Variants in HSPA4 observed in about 807,000 individuals in gnomAD.
HSPA4 encodes heat shock protein family A (Hsp70) member 4, also known as heat shock 70 kDa protein 4.
HSPA4 carries 25 observed loss-of-function variants against 106.2 expected under a neutral mutation model. That is an observed-to-expected ratio of 0.24 (90% CI 0.17 to 0.33). The LOEUF (loss-of-function observed/expected upper bound fraction) is 0.33, where lower values mean the gene tolerates loss of function less well. HSPA4 is among the 10% of genes least tolerant of loss of function. The pLI is 1.00. For synonymous variants in HSPA4, 332 were observed against 333.6 expected (o/e 1.00, Z 0.05); for missense variants, 841 against 996.0 (o/e 0.84, Z 2.10).
intron 5 of HSPA4, 81 bp downstream of exon 5, chr5:133,073,410 C>G (rs1455030187): frequency 2.1e-5 from 19 of 915,800 alleles, no homozygotes; most frequent in Admixed American, 1.5e-4. Context: ...GTTTCTTGCT[C>G]TTTATTTTGC....
chr5:133,091,155 T>A, intron 11 of HSPA4, 38 bp from the exon 12 acceptor site: 1 of 1,528,008 alleles, frequency 6.5e-7, no homozygotes, highest in South Asian at 1.1e-5. Flanking sequence ...ATTCATCCTC[T>A]TAGGTTATGT....
intron 6 of HSPA4, among the ~76,000 whole-genome samples, chr5:133,075,645 T>C (rs1278991834): frequency 6.6e-6 from 1 of 151,454 alleles, no homozygotes; most frequent in Non-Finnish European, 1.5e-5. Flanking sequence ...CTGGGCAACA[T>C]GGCAAAACCC....
Position 133,067,473 on chromosome 5 carries a change from A to C in HSPA4, c.222A>C (p.Ala74=). 6.2e-7 allele frequency: 1 copy of C among 1,613,694 alleles called. No individual in the cohort carries two copies. The highest frequency in any genetic ancestry group is 1.1e-5 in the South Asian group (1 of 91,082). Reference sequence around the variant, plus strand: ...GATTTAAAAGATTCCATGGCCGAGCATTCTCTGATCCATTTGTGGAGGCAG... The same window carrying C: ...GATTTAAAAGATTCCATGGCCGAGCCTTCTCTGATCCATTTGTGGAGGCAG... The part of the protein sequence containing the change: ...VQGFKRFHGR[A]FSDPFVEAEK... The change falls in exon 3 of 19, where the codon GCA becomes GCC. Residue 74 remains alanine, a synonymous_variant. Transcript: ENST00000304858.
intron 1 of HSPA4, among the ~76,000 whole-genome samples, chr5:133,057,479 C>T (rs1004068923): frequency 1.3e-5 from 2 of 152,050 alleles, no homozygotes; most frequent in African/African-American, 4.8e-5. Context: ...GTGCCTCAGC[C>T]TCCCGAATAG....
rs767108025 is a variant in HSPA4 at position 133,052,339 on chromosome 5, A to G, written c.89A>G (p.Tyr30Cys). 1.9e-6 allele frequency: 3 copies of G among 1,568,140 alleles called. No individual in the cohort carries two copies. Among genetic ancestry groups the G allele is most frequent in the Non-Finnish European group, 1.7e-6 (2 of 1,158,950 alleles). ...AGGIETIANE[Y>C]SDRCTPACIS... ...GGCATCGAGACTATCGCTAATGAGT[A>G]TAGCGACCGCTGCACGCCGTAAGTG... is the stretch of plus-strand genomic sequence containing the variant. The change falls in exon 1 of 19, where the codon TAT becomes TGT. Residue 30 changes from tyrosine (Y) to cysteine (C), a missense_variant. Physicochemically the swap from Tyr to Cys is radical, Grantham distance 194. Transcript: ENST00000304858.
intron 5 of HSPA4, 50 bp from the exon 6 acceptor site, chr5:133,073,943 T>C (rs760859249): frequency 7.4e-7 from 1 of 1,355,914 alleles, no homozygotes; most frequent in South Asian, 1.4e-5. Flanking sequence ...CTTAAATGAA[T>C]TTTATTTACT....
At chr5:133,078,129 G>C (rs896387903) in intron 7 of HSPA4, among the ~76,000 whole-genome samples, 7 of 151,176 alleles carry the variant, frequency 4.6e-5, no homozygotes, top group Non-Finnish European at 7.4e-5. Flanking sequence ...TCAGGAGATT[G>C]AGACCATCCT....
intron 4 of HSPA4, 89 bp from the exon 5 acceptor site, chr5:133,073,141 A>G (rs1581470235): frequency 2.7e-6 from 2 of 729,090 alleles, no homozygotes; most frequent in East Asian, 5.3e-5. Flanking sequence ...TACAGAATAA[A>G]TTGCTGTAGG....
intron 18 of HSPA4, 47 bp from the exon 19 acceptor site, chr5:133,104,186 A>G (rs758947201): frequency 6.3e-7 from 1 of 1,583,732 alleles, no homozygotes; most frequent in Non-Finnish European, 8.7e-7. Flanking sequence ...GGCTTGTAAA[A>G]TTTGTTAATT....
rs1482151221 is a variant in HSPA4 at position 133,086,812 on chromosome 5, C to T, written c.939C>T (p.Leu313=). 9 of 1,613,642 alleles carry T rather than the reference C, an allele frequency of 5.6e-6. No homozygotes were observed. Among genetic ancestry groups the T allele is most frequent in the Non-Finnish European group, 7.6e-6 (9 of 1,179,810 alleles). ...RGKFLEMCND[L]LARVEPPLRS... ...AATTTCTGGAGATGTGCAATGATCT[C>T]TTAGCTAGAGTGGAGCCACCACTTC... The change falls in exon 8 of 19, where the codon CTC becomes CTT. Residue 313 remains leucine, a synonymous_variant. Coordinates refer to ENST00000304858, the MANE Select transcript of HSPA4 (RefSeq NM_002154.4).
In HSPA4 at chr5:133,104,611, T is replaced by C; in HGVS notation, c.*175T>C. The C allele has an allele frequency of 1.7e-6, 1 of 599,510 alleles. No individual in the cohort carries two copies. Among genetic ancestry groups the C allele is most frequent in the South Asian group, 2.0e-5 (1 of 48,802 alleles). 37.1% of individuals were successfully genotyped at this position (599,510 alleles called of 1,614,324 possible). On this transcript the variant is annotated 3_prime_UTR_variant, in exon 19 of 19. Transcript: ENST00000304858. ...GCATTTTCACTTCTAAATAGTTAGA[T>C]ACAGAAATTAAGTGCATTGTATCTT...
intron 1 of HSPA4, among the ~76,000 whole-genome samples, chr5:133,054,851 GT>G (rs1179306265): frequency 6.6e-6 from 1 of 152,190 alleles, no homozygotes; most frequent in Non-Finnish European, 1.5e-5. Flanking sequence ...AAAGCGCTGA[GT>G]TAATGTATTT....
At chr5:133,093,921 C>T (rs182486630) in intron 13 of HSPA4, among the ~76,000 whole-genome samples, 152 of 152,142 alleles carry the variant, frequency 1.0e-3, no homozygotes, top group African/African-American at 3.6e-3. Context: ...GGTGAAACCC[C>T]GTCTCTACTA....
In HSPA4 at chr5:133,091,267, A is replaced by G; in HGVS notation, c.1453A>G (p.Asn485Asp). The change falls in exon 12 of 19, where the codon AAT (asparagine) becomes GAT (aspartate). Residue 485 changes from asparagine (N) to aspartate (D), a missense_variant. Coordinates refer to ENST00000304858, the MANE Select transcript of HSPA4 (RefSeq NM_002154.4). ...AAAAGTGAAAGTCAAAGTTCGAGTAAATGTCCATGGCATTTTCAGTGTGTC... is the reference window on the plus strand; with the variant it reads ...AAAAGTGAAAGTCAAAGTTCGAGTAGATGTCCATGGCATTTTCAGTGTGTC... ...SSKVKVKVRV[N>D]VHGIFSVSSA... 6.2e-7 allele frequency: 1 copy of G among 1,614,090 alleles called. No individual in the cohort carries two copies. Among genetic ancestry groups the G allele is most frequent in the Non-Finnish European group, 8.5e-7 (1 of 1,179,940 alleles).
Position 133,103,923 on chromosome 5 carries a change from A to G in HSPA4, c.2216A>G (p.Asn739Ser), listed in dbSNP as rs930035103. 2.5e-6 allele frequency: 4 copies of G among 1,614,096 alleles called. No homozygotes were observed. Among genetic ancestry groups the G allele is most frequent in the Non-Finnish European group, 3.4e-6 (4 of 1,179,952 alleles). Reference sequence around the variant, plus strand: ...ATGACAAAGGTAGAAAAAAGCACAAATGAAGCAATGGAGTGGATGAATAAC... The same window carrying G: ...ATGACAAAGGTAGAAAAAAGCACAAGTGAAGCAATGGAGTGGATGAATAAC... ...ADMTKVEKST[N>S]EAMEWMNNKL... Residue 739 changes from asparagine (N) to serine (S), a missense_variant, in exon 18 of 19, where the codon AAT (asparagine) becomes AGT (serine). Around this residue, in one of 5 missense-constraint regions of HSPA4, gnomAD observed 328 missense variants for 372.2 expected, o/e 0.88. Transcript: ENST00000304858.
intron 1 of HSPA4, among the ~76,000 whole-genome samples, chr5:133,054,830 C>G (rs146980934): frequency 7.9e-5 from 12 of 152,226 alleles, no homozygotes; most frequent in African/African-American, 2.4e-4. Flanking sequence ...CCCTAAGGAA[C>G]TGAAAAGGCT....
intron 8 of HSPA4, among the ~76,000 whole-genome samples, chr5:133,087,066 A>G (rs1419595848): frequency 6.6e-6 from 1 of 152,210 alleles, no homozygotes; most frequent in East Asian, 1.9e-4. Flanking sequence ...AAGTTTCTCC[A>G]AGAAACTGAA....
intron 14 of HSPA4, 147 bp from the exon 15 acceptor site, chr5:133,097,014 A>T: frequency 2.0e-6 from 1 of 506,312 alleles, no homozygotes; most frequent in Non-Finnish European, 3.4e-6. Context: ...TCTGTCAAGG[A>T]TTAGTCTTCC....
intron 16 of HSPA4, among the ~76,000 whole-genome samples, chr5:133,101,010 G>A (rs1165673453): frequency 6.6e-6 from 1 of 151,896 alleles, no homozygotes; most frequent in Non-Finnish European, 1.5e-5. Context: ...TCCCTGTGTT[G>A]CCCAGACTGG....
Sources: allele counts gnomAD v4.1 joint callset (sites outside exome capture counted in the v4.1 genomes callset), GRCh38; gene constraint gnomAD v4.1.1; regional missense constraint gnomAD v4.1.1; transcripts MANE v1.5; gene names NCBI Gene and HGNC (gene_info 2026-07-23, HGNC 2026-07-21).